TTC13: variants seen among roughly 807,000 people sequenced by gnomAD.
The protein encoded by TTC13 is tetratricopeptide repeat domain 13.
Under a neutral mutation model 120.0 loss-of-function variants are expected in TTC13, and 62 were observed. The ratio of observed to expected loss-of-function variants is 0.52; its 90% CI spans 0.42 to 0.64. The LOEUF is 0.64. TTC13 is among the 30% of genes least tolerant of loss of function. The pLI, the probability that TTC13 is intolerant of heterozygous loss-of-function variation, is 0.00. For missense variants in TTC13, 824 were observed against 1,050.2 expected (o/e 0.78, Z 2.98); for synonymous variants, 384 against 393.5 (o/e 0.98, Z 0.28).
In TTC13 at chr1:230,953,578, T is replaced by C. The variant is rs561110557; in HGVS notation, c.513+755A>G. 2.0e-5 allele frequency among the ~76,000 whole-genome samples: 3 copies of C among 152,312 alleles called. No homozygotes were observed. In the South Asian group the frequency reaches 6.2e-4, roughly 32 times the overall value. On this transcript the variant is annotated intron_variant, in intron 4 of 22. Transcript: ENST00000366661. ...TTATTATCTCCATAACTCAGGAGTTTAAATAACTTGGTAGCAAGAAGCAAA... is the reference window on the plus strand; with the variant it reads ...TTATTATCTCCATAACTCAGGAGTTCAAATAACTTGGTAGCAAGAAGCAAA...
chr1:230,945,277 G>C, intron 5 of TTC13, 112 bp downstream of exon 5: 2 of 953,400 alleles, frequency 2.1e-6, no homozygotes, highest in Non-Finnish European at 3.4e-6. Context: ...TGGAATGATA[G>C]ATACCACTCC....
chr1:230,958,780 C>T (rs1676347110), intron 2 of TTC13, among the ~76,000 whole-genome samples: 1 of 152,182 alleles, frequency 6.6e-6, no homozygotes, highest in Non-Finnish European at 1.5e-5. Context: ...CACTTGAGCT[C>T]CGGAATTTCG....
intron 11 of TTC13, among the ~76,000 whole-genome samples, chr1:230,930,892 T>C (rs1160706029): frequency 6.6e-6 from 1 of 152,164 alleles, no homozygotes; most frequent in African/African-American, 2.4e-5. Flanking sequence ...TACTCCAGCC[T>C]GGTGACAGAG....
At chr1:230,907,554 C>T (rs1671049906) in intron 22 of TTC13, among the ~76,000 whole-genome samples, 1 of 152,230 alleles carries the variant, frequency 6.6e-6, no homozygotes, top group South Asian at 2.1e-4. Context: ...AGAATAGAAG[C>T]AAGACCTTCG....
rs1418872126 is a variant in TTC13, at chr1:230,978,792, C to CCAGAAGCAG, written c.30_38dup (p.Cys10_Phe12dup). On this transcript the variant is annotated inframe_insertion, in exon 1 of 23. Coordinates refer to ENST00000366661, the MANE Select transcript of TTC13 (RefSeq NM_024525.5). The surrounding 1 kb of genome is among the most constrained non-coding windows in gnomAD (Gnocchi z 5.6). ...CGCCCGCGGCGGCCACAGCGCCGCC[C>CCAGAAGCAG]CAGAAGCAGCAGCAGCAGCAGCAGC... is the stretch of plus-strand genomic sequence containing the variant. The CCAGAAGCAG allele has an allele frequency of 2.0e-6, 3 of 1,498,472 alleles. No individual in the cohort carries two copies. The highest frequency in any genetic ancestry group is 1.8e-6 in the Non-Finnish European group (2 of 1,133,194). The allele number at this position is 1,498,472 out of a possible 1,614,324, so 92.8% of individuals were successfully genotyped here.
intron 1 of TTC13, among the ~76,000 whole-genome samples, chr1:230,972,743 A>G (rs1364017952): frequency 6.6e-6 from 1 of 152,248 alleles, no homozygotes; most frequent in Non-Finnish European, 1.5e-5. Context: ...GAACAGGTTT[A>G]GCAGTATGTA....
chr1:230,916,377 G>A, intron 17 of TTC13, 75 bp from the exon 18 acceptor site: 4 of 1,069,200 alleles, frequency 3.7e-6, no homozygotes, highest in Non-Finnish European at 5.8e-6. Flanking sequence ...CTGTAGTGCT[G>A]GCTCTACCTT....
At position 230,906,909 on chromosome 1, in the gene TTC13, A is replaced by C. The variant is rs1179779344; in HGVS notation, c.2579T>G (p.Leu860Arg). 1 of 1,481,350 alleles carries C rather than the reference A, an allele frequency of 6.8e-7. No individual in the cohort carries two copies. Among genetic ancestry groups the C allele is most frequent in the Non-Finnish European group, 9.0e-7 (1 of 1,114,362 alleles). 91.8% of individuals were successfully genotyped at this position (1,481,350 alleles called of 1,614,324 possible). A position where few individuals can be genotyped will look rare whatever the true frequency, so the allele number is the denominator to read the frequency against. The change falls in exon 23 of 23, where the codon CTC (leucine) becomes CGC (arginine). Residue 860 changes from leucine to arginine, a missense_variant. This residue lies in a region of TTC13 where 226 missense variants were observed against 259.1 expected (regional missense o/e 0.87). Coordinates refer to ENST00000366661, the MANE Select transcript of TTC13 (RefSeq NM_024525.5). ...TGTATAAATACAGCAGCAGAACTAGAGTTTCTTAAGACAACGTGGAGAAGA... is the reference window on the plus strand; with the variant it reads ...TGTATAAATACAGCAGCAGAACTAGCGTTTCTTAAGACAACGTGGAGAAGA... ...TDSSPRCLKK[L>R] is the part of the protein sequence containing the mutation.
chr1:230,970,510 A>T (rs1456353500), intron 1 of TTC13, among the ~76,000 whole-genome samples: 1 of 152,222 alleles, frequency 6.6e-6, no homozygotes, highest in Non-Finnish European at 1.5e-5. Flanking sequence ...AACTAGGCAG[A>T]GGCACCGGCC....
intron 6 of TTC13, among the ~76,000 whole-genome samples, chr1:230,941,860 G>C (rs1319033542): frequency 6.6e-6 from 1 of 151,930 alleles, no homozygotes; most frequent in Non-Finnish European, 1.5e-5. Context: ...TCATACCCCA[G>C]CACAACAATC....
chr1:230,973,948 G>C (rs551481112), intron 1 of TTC13, among the ~76,000 whole-genome samples: 1 of 151,954 alleles, frequency 6.6e-6, no homozygotes, highest in South Asian at 2.1e-4. Context: ...TTGGTGGCAG[G>C]CGCCTGTAAT....
chr1:230,922,708 G>A (rs1294589106), intron 15 of TTC13, among the ~76,000 whole-genome samples: 1 of 152,150 alleles, frequency 6.6e-6, no homozygotes, highest in Non-Finnish European at 1.5e-5. Context: ...TAGCCCTGTA[G>A]CACCAGAAGG....
chr1:230,937,537 G>A (rs1674174067), intron 8 of TTC13, among the ~76,000 whole-genome samples: 1 of 152,206 alleles, frequency 6.6e-6, no homozygotes, highest in Admixed American at 6.5e-5. Context: ...CATGTTTTAA[G>A]AAATTGTTCT....
intron 17 of TTC13, among the ~76,000 whole-genome samples, chr1:230,917,068 A>G (rs1191646455): frequency 6.6e-6 from 1 of 151,874 alleles, no homozygotes; most frequent in African/African-American, 2.4e-5. Flanking sequence ...ATGAGGGGAG[A>G]GCTTGTCTAG....
chr1:230,936,526 G>T, intron 8 of TTC13: 1 of 252,762 alleles, frequency 4.0e-6, no homozygotes, highest in Non-Finnish European at 7.9e-6. Context: ...CATGGTTTGT[G>T]AAATATCCTT....
intron 1 of TTC13, among the ~76,000 whole-genome samples, chr1:230,969,265 A>AAAAGG (rs1167043812): frequency 7.6e-5 from 1 of 13,168 alleles, no homozygotes; most frequent in Non-Finnish European, 1.6e-4. Flanking sequence ...CCATCTCAAA[A>AAAAGG]AAAGAAAAGA....
At chr1:230,959,804 T>C (rs183687869) in intron 2 of TTC13, among the ~76,000 whole-genome samples, 12 of 152,386 alleles carry the variant, frequency 7.9e-5, no homozygotes, top group Admixed American at 7.8e-4. Flanking sequence ...CAGCTCAACA[T>C]CACTAGTAGA....
chr1:230,948,434 T>A (rs12564991), intron 4 of TTC13, among the ~76,000 whole-genome samples: 19 of 140,738 alleles, frequency 1.4e-4, no homozygotes, highest in African/African-American at 3.3e-4. Context: ...TCTAAATGGC[T>A]CTGCAGAAAA....
intron 15 of TTC13, among the ~76,000 whole-genome samples, chr1:230,922,483 C>A (rs925372409): frequency 1.3e-5 from 2 of 152,196 alleles, no homozygotes; most frequent in Non-Finnish European, 2.9e-5. Context: ...GAATGGCTCA[C>A]CATTGTCTTC....
Sources: allele counts gnomAD v4.1 joint callset (sites outside exome capture counted in the v4.1 genomes callset), GRCh38; gene constraint gnomAD v4.1.1; regional missense constraint gnomAD v4.1.1; non-coding constraint Gnocchi (gnomAD v3.1); transcripts MANE v1.5; gene names NCBI Gene and HGNC (gene_info 2026-07-23, HGNC 2026-07-21).